The following GAB1 variants were observed in gnomAD, a reference collection of about 807,000 sequenced individuals.
The protein encoded by GAB1 is GRB2-associated-binding protein 1.
Under a neutral mutation model 66.5 loss-of-function variants are expected in GAB1, and 19 were observed. That is an observed-to-expected ratio of 0.29 (90% CI 0.20 to 0.42). The LOEUF (loss-of-function observed/expected upper bound fraction) is 0.42, where lower values mean the gene tolerates loss of function less well. Ranked by LOEUF, GAB1 falls within the 10% of genes least tolerant of loss-of-function variation. GAB1 has a pLI of 1.00. For missense variants in GAB1, 732 were observed against 858.5 expected, an observed-to-expected ratio of 0.85 and a Z score of 1.84; for synonymous variants, 294 against 301.4, an observed-to-expected ratio of 0.98 and a Z score of 0.25.
intron 1 of GAB1, chr4:143,395,807 C>T (rs62337532): frequency 0.041 from 18,358 of 444,866 alleles, 453 homozygotes; most frequent in African/African-American, 0.052. Flanking sequence ...CTCCACATAC[C>T]CTTTCTAAGG....
chr4:143,423,871 T>TAA (rs1560759562), intron 2 of GAB1, among the ~76,000 whole-genome samples: 1 of 140,664 alleles, frequency 7.1e-6, no homozygotes, highest in African/African-American at 2.6e-5. Flanking sequence ...TATTTTTTTT[T>TAA]TAAAAAAAAG....
chr4:143,425,618 A>G, intron 2 of GAB1: 4 of 762,222 alleles, frequency 5.2e-6, no homozygotes, highest in Non-Finnish European at 9.6e-6. Context: ...TTTCCCGTGA[A>G]CATCCATGGG....
chr4:143,432,200 T>A lies in GAB1; in HGVS notation c.368-1291T>A, dbSNP rs185892185. Among the ~76,000 whole-genome samples, 3 of 152,304 alleles carry A rather than the reference T, an allele frequency of 2.0e-5. No homozygotes were observed. In the East Asian group the frequency reaches 5.8e-4, roughly 29 times the overall value. On this transcript the variant is annotated intron_variant, in intron 2 of 9. Transcript: ENST00000262994. ...CGAAAAAAGAAGGAAAAGGCCAACA[T>A]TCCTGATCCCTGGGAGTGACGGGAG...
chr4:143,425,662 C>T, intron 2 of GAB1: 1 of 760,666 alleles, frequency 1.3e-6, no homozygotes, highest in East Asian at 2.4e-5. Flanking sequence ...TACAGAGATC[C>T]TGAAGTGATT....
At chr4:143,413,776 G>A (rs1392520797) in intron 1 of GAB1, among the ~76,000 whole-genome samples, 4 of 148,386 alleles carry the variant, frequency 2.7e-5, no homozygotes, top group East Asian at 2.0e-4. Context: ...TCCACTGGGG[G>A]TTTTCGAGTC....
intron 1 of GAB1, among the ~76,000 whole-genome samples, chr4:143,392,421 C>T (rs1230622460): frequency 6.6e-6 from 1 of 152,118 alleles, no homozygotes; most frequent in Non-Finnish European, 1.5e-5. Flanking sequence ...TAGCGTTCAT[C>T]AAAATGATTG....
chr4:143,346,459 G>C (rs1728994935), intron 1 of GAB1, among the ~76,000 whole-genome samples: 1 of 152,202 alleles, frequency 6.6e-6, no homozygotes, highest in Non-Finnish European at 1.5e-5. Context: ...GCTGTGGCCA[G>C]AGTTGGAGTT....
At chr4:143,431,325 T>G (rs1325368453) in intron 2 of GAB1, among the ~76,000 whole-genome samples, 2 of 152,134 alleles carry the variant, frequency 1.3e-5, no homozygotes, top group Non-Finnish European at 2.9e-5. Flanking sequence ...CTCTCCCCTC[T>G]CATGCAAGAA....
At chr4:143,402,945 AAGTCAGACAC>A (rs1034508827) in intron 1 of GAB1, among the ~76,000 whole-genome samples, 21 of 152,208 alleles carry the variant, frequency 1.4e-4, no homozygotes, top group African/African-American at 5.1e-4. Context: ...CCAAGTTGGC[AAGTCAGACAC>A]AGTCGGTTGT....
chr4:143,466,286 G>T, intron 9 of GAB1, 61 bp downstream of exon 9: 2 of 1,508,094 alleles, frequency 1.3e-6, no homozygotes, highest in Non-Finnish European at 1.8e-6. Context: ...CAAACCTGAA[G>T]AATTATTTCC....
At chr4:143,371,234 C>A (rs1018529590) in intron 1 of GAB1, among the ~76,000 whole-genome samples, 3 of 151,780 alleles carry the variant, frequency 2.0e-5, no homozygotes, top group Non-Finnish European at 2.9e-5. Flanking sequence ...TTTTAATGAT[C>A]GCCATTCTAA....
intron 1 of GAB1, among the ~76,000 whole-genome samples, chr4:143,347,275 A>T (rs1329189665): frequency 6.6e-6 from 1 of 152,236 alleles, no homozygotes; most frequent in Non-Finnish European, 1.5e-5. Flanking sequence ...CTCTTGTCCA[A>T]TGTTTCTTAA....
intron 3 of GAB1, among the ~76,000 whole-genome samples, chr4:143,435,689 A>T (rs755661412): frequency 6.6e-6 from 1 of 152,224 alleles, no homozygotes; most frequent in Non-Finnish European, 1.5e-5. Context: ...ACTATATAAG[A>T]TATAGTCTAC....
chr4:143,405,750 A>G (rs946358554), intron 1 of GAB1, among the ~76,000 whole-genome samples: 6 of 152,160 alleles, frequency 3.9e-5, no homozygotes, highest in Admixed American at 1.3e-4. Context: ...GTAGAGTGCT[A>G]TGATGGAGGT....
At chr4:143,446,197 T>C (rs576603637) in intron 6 of GAB1, among the ~76,000 whole-genome samples, 6 of 152,272 alleles carry the variant, frequency 3.9e-5, no homozygotes, top group Non-Finnish European at 7.4e-5. Flanking sequence ...CTATCATTGT[T>C]GGACATTTAG....
Position 143,349,762 on chromosome 4 carries a change from TC to T in GAB1, c.72+12506del, listed in dbSNP as rs1729121311. The T allele has an allele frequency of 3.1e-6, 5 of 1,590,146 alleles. No individual in the cohort carries two copies. The Admixed American group carries it at 5.0e-5, about 16-fold the overall frequency. ...ACCCAGACCGACGTGGCCATTGTAGTCCCCGATAGCAACGAATGCCTTGAAC... is the reference window on the plus strand; with the variant it reads ...ACCCAGACCGACGTGGCCATTGTAGTCCCGATAGCAACGAATGCCTTGAAC... On this transcript the variant is annotated intron_variant, in intron 1 of 9. Transcript: ENST00000262994.
chr4:143,401,294 G>A (rs141571433), intron 1 of GAB1, among the ~76,000 whole-genome samples: 110 of 152,188 alleles, frequency 7.2e-4, no homozygotes, highest in African/African-American at 2.3e-3. Context: ...TTATTCATCT[G>A]TTAGATCTAA....
chr4:143,434,097 A>G, intron 3 of GAB1: 1 of 1,294,564 alleles, frequency 7.7e-7, no homozygotes, highest in Non-Finnish European at 1.0e-6. Flanking sequence ...GCCAAGGGTC[A>G]TCTTTTGTTT....
intron 1 of GAB1, among the ~76,000 whole-genome samples, chr4:143,353,815 C>T (rs1303858759): frequency 6.6e-6 from 1 of 152,078 alleles, no homozygotes; most frequent in African/African-American, 2.4e-5. Flanking sequence ...TCTAGAAACC[C>T]AGGTTGTACT....
Sources: allele counts gnomAD v4.1 joint callset (sites outside exome capture counted in the v4.1 genomes callset), GRCh38; gene constraint gnomAD v4.1.1; transcripts MANE v1.5; gene names NCBI Gene and HGNC (gene_info 2026-07-23, HGNC 2026-07-21).